MALRD1: variants seen among roughly 807,000 people sequenced by gnomAD.
MALRD1 encodes MAM and LDL receptor class A domain containing 1.
In MALRD1, 247 loss-of-function variants were observed where a neutral mutation model predicts 242.1. That is an observed-to-expected ratio of 1.02 (90% confidence interval 0.92 to 1.13). The LOEUF is 1.13. MALRD1 is among the 50% of genes most tolerant of loss of function. MALRD1 has a pLI of 0.00. For missense variants in MALRD1, 2,989 were observed against 2,533.1 expected, an observed-to-expected ratio of 1.18 and a Z score of -3.86; for synonymous variants, 995 against 866.6, an observed-to-expected ratio of 1.15 and a Z score of -2.60.
chr10:19,460,472 CAT>C (rs1835886356), intron 29 of MALRD1, among the ~76,000 whole-genome samples: 1 of 150,810 alleles, frequency 6.6e-6, no homozygotes, highest in African/African-American at 2.4e-5. Flanking sequence ...TTTACTGTAA[CAT>C]ATAAGTTTCT....
Position 19,204,363 on chromosome 10 carries a change from T to G in MALRD1, c.2160T>G (p.Leu720=), listed in dbSNP as rs1160610926. 3 of 1,549,584 alleles carry G rather than the reference T, an allele frequency of 1.9e-6. No individual in the cohort carries two copies. Among genetic ancestry groups the G allele is most frequent in the Middle Eastern group, 1.7e-4 (1 of 5,978 alleles). Reference sequence around the variant, plus strand: ...GCAGCTTGTGGCAAGTTGCTAAGCTTCAGAGCCCAACTTTCAGCCAGACAG... The same window carrying G: ...GCAGCTTGTGGCAAGTTGCTAAGCTGCAGAGCCCAACTTTCAGCCAGACAG... ...KSSSLWQVAK[L]QSPTFSQTGP... is the part of the protein sequence containing the mutation. The change falls in exon 16 of 40, where the codon CTT becomes CTG. Residue 720 remains leucine, a synonymous_variant. Coordinates refer to ENST00000454679, the MANE Select transcript of MALRD1 (RefSeq NM_001142308.3).
chr10:19,612,799 T>A (rs1196855004), intron 35 of MALRD1, among the ~76,000 whole-genome samples: 4 of 151,810 alleles, frequency 2.6e-5, no homozygotes, highest in Admixed American at 1.3e-4. Context: ...CCAGATCTCA[T>A]GAGAACTCTA....
chr10:19,578,156 A>G (rs1172277417), intron 33 of MALRD1, among the ~76,000 whole-genome samples: 4 of 148,902 alleles, frequency 2.7e-5, no homozygotes, highest in Non-Finnish European at 6.0e-5. Context: ...ATTTTTTTTC[A>G]AATAGAAAAA....
chr10:19,164,816 C>T (rs4259740), intron 12 of MALRD1, among the ~76,000 whole-genome samples: 28,496 of 151,822 alleles, frequency 0.19, 2,993 homozygotes, highest in Admixed American at 0.27. Context: ...GTAGTTAAGC[C>T]ATCAAACCTT....
chr10:19,513,616 G>T (rs867165260), intron 31 of MALRD1, among the ~76,000 whole-genome samples: 4 of 151,994 alleles, frequency 2.6e-5, no homozygotes, highest in Non-Finnish European at 5.9e-5. Flanking sequence ...GCGGGTGCCT[G>T]TAGCCCCAGC....
chr10:19,140,320 A>C (rs1293561185), intron 10 of MALRD1, among the ~76,000 whole-genome samples: 2 of 152,180 alleles, frequency 1.3e-5, no homozygotes, highest in Non-Finnish European at 2.9e-5. Context: ...CTTTGTCATG[A>C]TCTTAAAATA....
chr10:19,117,797 T>C (rs1425134680), intron 5 of MALRD1, among the ~76,000 whole-genome samples: 2 of 152,200 alleles, frequency 1.3e-5, no homozygotes, highest in East Asian at 3.8e-4. Flanking sequence ...TTATCACAAA[T>C]AAAAGTGAAC....
intron 38 of MALRD1, among the ~76,000 whole-genome samples, chr10:19,699,655 G>A (rs1833532172): frequency 1.3e-5 from 2 of 152,092 alleles, no homozygotes; most frequent in African/African-American, 4.8e-5. Flanking sequence ...GGCTATATAG[G>A]AAGCATAGCA....
chr10:19,140,709 C>T lies in MALRD1; in HGVS notation c.1411+3928C>T, dbSNP rs375989640. 1.1e-4 allele frequency among the ~76,000 whole-genome samples: 16 copies of T among 152,186 alleles called. 1 individual carries two copies. The highest frequency in any genetic ancestry group is 3.6e-4 in the African/African-American group (15 of 41,530). On this transcript the variant is annotated intron_variant, in intron 10 of 39. Transcript: ENST00000454679. ...CAGACAGAGAAAGATAAATACAGCA[C>T]GATCTCACTTATACATGGAATCTAA...
chr10:19,206,257 A>G (rs1240609488), intron 17 of MALRD1, among the ~76,000 whole-genome samples: 1 of 152,070 alleles, frequency 6.6e-6, no homozygotes, highest in Admixed American at 6.6e-5. Flanking sequence ...AGTTTTGCCT[A>G]TGTGTAATCT....
At chr10:19,499,462 A>G (rs76995704) in intron 31 of MALRD1, among the ~76,000 whole-genome samples, 1 of 151,292 alleles carries the variant, frequency 6.6e-6, no homozygotes, top group Admixed American at 6.6e-5. Flanking sequence ...AAAAAAAAAA[A>G]CCAGCCTATG....
At chr10:19,266,522 T>C (rs1839981484) in intron 19 of MALRD1, among the ~76,000 whole-genome samples, 1 of 151,870 alleles carries the variant, frequency 6.6e-6, no homozygotes. Flanking sequence ...ATTTATGTTT[T>C]TAATTTCACA....
chr10:19,723,109 A>C (rs1044014577), intron 38 of MALRD1, among the ~76,000 whole-genome samples: 2 of 152,158 alleles, frequency 1.3e-5, no homozygotes, highest in Non-Finnish European at 2.9e-5. Flanking sequence ...ACTCATGATG[A>C]CTGTTTCTCG....
chr10:19,448,217 A>T (rs1683858992), intron 28 of MALRD1, among the ~76,000 whole-genome samples: 1 of 152,096 alleles, frequency 6.6e-6, no homozygotes, highest in Non-Finnish European at 1.5e-5. Context: ...TCTTTAAATT[A>T]TGTGTAAATT....
rs1000444434 is a variant in MALRD1 at position 19,734,181 on chromosome 10, C to A, written c.6415C>A (p.Pro2139Thr). Reference protein sequence around the residue: ...TESSVYSFSNPLYGTTSGSLE... With the variant: ...TESSVYSFSNTLYGTTSGSLE... ...GAGTTCTGTCTATTCCTTCTCAAAC[C>A]CATTATATGGCACAACATCAGGAAG... The change falls in exon 40 of 40, where the codon CCA becomes ACA. Residue 2139 changes from proline (P) to threonine (T), a missense_variant. Transcript: ENST00000454679. The A allele has an allele frequency of 6.5e-7, 1 of 1,535,464 alleles. No homozygotes were observed. Among genetic ancestry groups the A allele is most frequent in the Non-Finnish European group, 8.7e-7 (1 of 1,146,606 alleles).
intron 4 of MALRD1, among the ~76,000 whole-genome samples, chr10:19,099,111 C>T (rs1836154006): frequency 2.0e-5 from 3 of 152,122 alleles, no homozygotes; most frequent in Non-Finnish European, 4.4e-5. Context: ...GACGGAGCTT[C>T]TATATTGGTT....
intron 14 of MALRD1, among the ~76,000 whole-genome samples, chr10:19,177,886 A>C (rs961639770): frequency 6.6e-6 from 1 of 152,092 alleles, no homozygotes; most frequent in African/African-American, 2.4e-5. Flanking sequence ...CTCTAGAATG[A>C]GGATCTTGTG....
intron 33 of MALRD1, among the ~76,000 whole-genome samples, chr10:19,571,428 A>G (rs185004561): frequency 1.5e-3 from 226 of 152,328 alleles, no homozygotes; most frequent in Non-Finnish European, 2.7e-3. Flanking sequence ...GGTAAAAATT[A>G]TCTTTGAAGT....
chr10:19,516,239 G>T (rs1366373527), intron 31 of MALRD1, among the ~76,000 whole-genome samples: 2 of 152,094 alleles, frequency 1.3e-5, no homozygotes, highest in Non-Finnish European at 2.9e-5. Flanking sequence ...AATAATTTGT[G>T]TTAGTTTCTA....
Sources: allele counts gnomAD v4.1 joint callset (sites outside exome capture counted in the v4.1 genomes callset), GRCh38; gene constraint gnomAD v4.1.1; transcripts MANE v1.5; gene names NCBI Gene and HGNC (gene_info 2026-07-23, HGNC 2026-07-21).